SYNE1: variants seen among roughly 807,000 people sequenced by gnomAD.
SYNE1 encodes nesprin-1.
Under a neutral mutation model 1,111.0 loss-of-function variants are expected in SYNE1, and 616 were observed. The ratio of observed to expected loss-of-function variants is 0.55; its 90% CI spans 0.52 to 0.59. SYNE1 has a LOEUF of 0.59. Ranked by LOEUF, SYNE1 falls within the 20% of genes least tolerant of loss-of-function variation. The probability of loss-of-function intolerance (pLI) is 0.00; values close to 1 mark genes in which losing one functional copy is unlikely to be tolerated. For synonymous variants in SYNE1, 3,855 were observed against 3,825.8 expected, an observed-to-expected ratio of 1.01 and a Z score of -0.28; for missense variants, 10,006 against 10,417.0, an observed-to-expected ratio of 0.96 and a Z score of 1.72.
intron 11 of SYNE1, among the ~76,000 whole-genome samples, chr6:152,489,546 T>C (rs763889592): frequency 9.1e-4 from 137 of 150,228 alleles, no homozygotes; most frequent in Non-Finnish European, 1.7e-3. Context: ...ACCCTTTCAA[T>C]TGTTTTGCTG....
intron 49 of SYNE1, among the ~76,000 whole-genome samples, chr6:152,397,936 G>A (rs2097760999): frequency 6.6e-6 from 1 of 151,764 alleles, no homozygotes; most frequent in Admixed American, 6.6e-5. Context: ...AGGAGGTGGA[G>A]GTTGCAGTAA....
chr6:152,206,387 T>A (rs751630517), intron 125 of SYNE1, 25 bp from the exon 126 acceptor site: 52 of 1,612,028 alleles, frequency 3.2e-5, no homozygotes, highest in Non-Finnish European at 4.1e-5. Context: ...AGCTTTTTAT[T>A]TTCTCATTCT....
rs531071318 is a variant in SYNE1, at chr6:152,456,059, A to G, written c.2569-15T>C. The stretch of plus-strand genomic sequence containing the variant: ...GCTAACAGTTCCTATAACGAAATGA[A>G]ACCCCACAACAATGTTATTTACAAG... On this transcript the variant is annotated splice_polypyrimidine_tract_variant and intron_variant, in intron 22 of 145. Transcript: ENST00000367255. 6.2e-7 allele frequency: 1 copy of G among 1,610,554 alleles called. No homozygotes were observed. Among genetic ancestry groups the G allele is most frequent in the Admixed American group, 1.7e-5 (1 of 59,970 alleles).
At chr6:152,526,218 C>T (rs1390924994) in intron 4 of SYNE1, 43 bp from the exon 5 acceptor site, 2 of 1,560,304 alleles carry the variant, frequency 1.3e-6, no homozygotes, top group African/African-American at 2.7e-5. Context: ...TATCTCTTCC[C>T]TCTCTGTTTC....
intron 6 of SYNE1, among the ~76,000 whole-genome samples, chr6:152,513,638 G>C (rs2099097078): frequency 6.6e-6 from 1 of 152,102 alleles, no homozygotes; most frequent in South Asian, 2.1e-4. Context: ...TGGGCCCAGT[G>C]AGATTAGTGT....
intron 6 of SYNE1, among the ~76,000 whole-genome samples, chr6:152,516,373 C>T (rs1052350143): frequency 1.3e-5 from 2 of 152,218 alleles, no homozygotes; most frequent in African/African-American, 2.4e-5. Flanking sequence ...TGGGTTGTTC[C>T]GTGAAAATGG....
chr6:152,579,156 C>T (rs1482692919), intron 3 of SYNE1, among the ~76,000 whole-genome samples: 1 of 152,144 alleles, frequency 6.6e-6, no homozygotes, highest in Non-Finnish European at 1.5e-5. Flanking sequence ...ACATGCTCTT[C>T]CAGAACCTAG....
intron 91 of SYNE1, among the ~76,000 whole-genome samples, chr6:152,306,487 A>T (rs1470106229): frequency 7.0e-6 from 1 of 142,456 alleles, no homozygotes; most frequent in Non-Finnish European, 1.5e-5. Context: ...CTCCATCTAA[A>T]AAATAAATAA....
intron 108 of SYNE1, among the ~76,000 whole-genome samples, chr6:152,238,632 T>A (rs981799607): frequency 1.3e-5 from 2 of 151,938 alleles, no homozygotes; most frequent in Admixed American, 1.3e-4. Flanking sequence ...TTAAGATCAG[T>A]AATATTGTGG....
intron 4 of SYNE1, among the ~76,000 whole-genome samples, chr6:152,529,817 C>T (rs945651335): frequency 2.8e-5 from 4 of 144,526 alleles, no homozygotes; most frequent in Non-Finnish European, 4.7e-5. Context: ...TCCCCCAGGT[C>T]TTAGTGTCCA....
At chr6:152,290,132 A>C (rs1460194328) in intron 95 of SYNE1, among the ~76,000 whole-genome samples, 1 of 152,172 alleles carries the variant, frequency 6.6e-6, no homozygotes, top group Non-Finnish European at 1.5e-5. Context: ...TATATCACTG[A>C]GCTTTGTGTG....
intron 18 of SYNE1, among the ~76,000 whole-genome samples, chr6:152,464,212 C>T (rs2098751511): frequency 6.6e-6 from 1 of 152,154 alleles, no homozygotes; most frequent in Admixed American, 6.5e-5. Context: ...CAGTTTCCAA[C>T]TCATTTTAAA....
chr6:152,324,256 A>G (rs2095978051), intron 81 of SYNE1, among the ~76,000 whole-genome samples: 1 of 151,800 alleles, frequency 6.6e-6, no homozygotes, highest in Admixed American at 6.6e-5. Context: ...AAAATTAACC[A>G]GGTGTGGTGG....
In SYNE1 at chr6:152,465,988, C is replaced by A. The variant is rs143408582; in HGVS notation, c.1723G>T (p.Gly575Cys). Reference sequence around the variant, plus strand: ...ATTCTGTAGTATGTTTTACCTGAACCATCTGCTTTGACATACATCTCAGCT... The same window carrying A: ...ATTCTGTAGTATGTTTTACCTGAACAATCTGCTTTGACATACATCTCAGCT... ...QTAEMYVKAD[G>C]SVEEAENVMK... is the part of the protein sequence containing the mutation. Residue 575 changes from glycine to cysteine, a missense_variant, in exon 17 of 146, where the codon GGT (glycine) becomes TGT (cysteine). Gly to Cys is a radical substitution (Grantham distance 159). This residue lies in a region of SYNE1 where 1,971 missense variants were observed against 2,084.1 expected (regional missense o/e 0.95). Coordinates refer to ENST00000367255, the MANE Select transcript of SYNE1 (RefSeq NM_182961.4). 1.5e-5 allele frequency: 24 copies of A among 1,610,386 alleles called. No individual in the cohort carries two copies. The highest frequency in any genetic ancestry group is 2.2e-5 in the East Asian group (1 of 44,840).
intron 125 of SYNE1, among the ~76,000 whole-genome samples, 178 bp from the exon 126 acceptor site, chr6:152,206,540 T>G (rs971066629): frequency 2.0e-5 from 3 of 152,186 alleles, no homozygotes; most frequent in Admixed American, 6.5e-5. Flanking sequence ...GGAGACAGGC[T>G]TAGTTTCTGT....
chr6:152,549,949 A>G (rs1473422177), intron 3 of SYNE1, among the ~76,000 whole-genome samples: 2 of 152,338 alleles, frequency 1.3e-5, no homozygotes, highest in Non-Finnish European at 2.9e-5. Context: ...GATGAAAGGA[A>G]TATAATTATC....
At chr6:152,279,241 C>A (rs1325856780) in intron 97 of SYNE1, among the ~76,000 whole-genome samples, 1 of 132,532 alleles carries the variant, frequency 7.5e-6, no homozygotes, top group East Asian at 2.1e-4. Flanking sequence ...CTAGATAAGA[C>A]TTAAAACAAA....
intron 131 of SYNE1, among the ~76,000 whole-genome samples, chr6:152,161,165 T>G (rs143937899): frequency 0.028 from 3,768 of 135,080 alleles, 86 homozygotes; most frequent in African/African-American, 0.071. Context: ...ATTAACATCG[T>G]AGTAATGTAA....
At chr6:152,380,974 A>G (rs1424928817) in intron 56 of SYNE1, 32 bp downstream of exon 56, 1 of 1,602,382 alleles carries the variant, frequency 6.2e-7, no homozygotes, top group Non-Finnish European at 8.6e-7. Context: ...TTTAAAGCAT[A>G]ACCACCAATA....
Sources: allele counts gnomAD v4.1 joint callset (sites outside exome capture counted in the v4.1 genomes callset), GRCh38; gene constraint gnomAD v4.1.1; regional missense constraint gnomAD v4.1.1; transcripts MANE v1.5; gene names NCBI Gene and HGNC (gene_info 2026-07-23, HGNC 2026-07-21).